Variants in PRR14L observed in about 807,000 individuals in gnomAD.
PRR14L encodes the protein protein PRR14L.
Under a neutral mutation model 155.0 loss-of-function variants are expected in PRR14L, and 80 were observed. That is an observed-to-expected ratio of 0.52 (90% CI 0.43 to 0.62). The LOEUF (loss-of-function observed/expected upper bound fraction) is 0.62. PRR14L is among the 20% of genes least tolerant of loss of function. PRR14L has a pLI of 0.00. For missense variants in PRR14L, 2,469 were observed against 2,548.0 expected, an observed-to-expected ratio of 0.97 and a Z score of 0.67; for synonymous variants, 883 against 916.0, an observed-to-expected ratio of 0.96 and a Z score of 0.65.
intron 3 of PRR14L, among the ~76,000 whole-genome samples, chr22:31,717,926 ATTTT>A (rs531724278): frequency 7.4e-6 from 1 of 134,516 alleles, no homozygotes. Context: ...CCCCCAGCTA[ATTTT>A]TTTTTTTTTT....
chr22:31,685,418 G>A lies in PRR14L; in HGVS notation c.*109C>T. On this transcript the variant is annotated 3_prime_UTR_variant, in exon 9 of 9. Transcript: ENST00000327423. Reference sequence around the variant, plus strand: ...GCATTTTTGAGTGGTTTGGCGGTAGGGCAAAATTAGGCAACCTTTTCCAAG... The same window carrying A: ...GCATTTTTGAGTGGTTTGGCGGTAGAGCAAAATTAGGCAACCTTTTCCAAG... 1.0e-6 allele frequency: 1 copy of A among 955,512 alleles called. No individual in the cohort carries two copies. The highest frequency in any genetic ancestry group is 1.5e-6 in the Non-Finnish European group (1 of 660,506). The allele number at this position is 955,512 out of a possible 1,614,324, so 59.2% of individuals were successfully genotyped here.
intron 5 of PRR14L, 192 bp downstream of exon 5, chr22:31,704,463 C>T (rs926711070): frequency 2.3e-6 from 1 of 426,166 alleles, no homozygotes; most frequent in Non-Finnish European, 4.2e-6. Flanking sequence ...TATTATTACA[C>T]ATTCCTAGTT....
rs1601507389 is a variant in PRR14L, at chr22:31,718,960, G to C, written c.548-1669C>G. Among the ~76,000 whole-genome samples the C allele has an allele frequency of 2.6e-5, 4 of 152,238 alleles. No homozygotes were observed. In the South Asian group the frequency reaches 8.3e-4, roughly 32 times the overall value. ...ATGGTGGCACATGCCTGTAATCCCA[G>C]CTACTGGGGAGGCTGAAGCAGGGGA... On this transcript the variant is annotated intron_variant, in intron 3 of 8. Transcript: ENST00000327423.
At chr22:31,689,372 C>G (rs1229629718) in intron 7 of PRR14L, among the ~76,000 whole-genome samples, 3 of 151,614 alleles carry the variant, frequency 2.0e-5, no homozygotes, top group African/African-American at 7.3e-5. Flanking sequence ...TGACATGACC[C>G]TAGGAGTCTC....
intron 2 of PRR14L, among the ~76,000 whole-genome samples, chr22:31,733,465 C>T (rs2074761884): frequency 6.6e-6 from 1 of 151,180 alleles, no homozygotes; most frequent in Non-Finnish European, 1.5e-5. Context: ...TCACTGCGCC[C>T]AGCTGATTTC....
intron 2 of PRR14L, among the ~76,000 whole-genome samples, chr22:31,735,025 C>CT (rs1322597091): frequency 6.6e-6 from 1 of 152,156 alleles, no homozygotes; most frequent in Non-Finnish European, 1.5e-5. Context: ...GTGGAGATCA[C>CT]TTTTTGAAAC....
intron 2 of PRR14L, among the ~76,000 whole-genome samples, chr22:31,731,380 CGGTG>C (rs1221972671): frequency 6.6e-6 from 1 of 151,680 alleles, no homozygotes; most frequent in Non-Finnish European, 1.5e-5. Context: ...CTGGCTAACA[CGGTG>C]AAACCCCGTC....
At chr22:31,718,580 A>C (rs1376054965) in intron 3 of PRR14L, among the ~76,000 whole-genome samples, 2 of 151,116 alleles carry the variant, frequency 1.3e-5, no homozygotes, top group African/African-American at 2.4e-5. Context: ...TTGTATTTTT[A>C]CTAGAGACGG....
chr22:31,717,914 CA>C, intron 3 of PRR14L, among the ~76,000 whole-genome samples: 1 of 151,942 alleles, frequency 6.6e-6, no homozygotes, highest in Non-Finnish European at 1.5e-5. Flanking sequence ...TGCCTGCAAC[CA>C]CCCCCAGCTA....
chr22:31,708,850 G>A (rs980310381), intron 4 of PRR14L, among the ~76,000 whole-genome samples: 4 of 151,794 alleles, frequency 2.6e-5, no homozygotes, highest in Admixed American at 2.0e-4. Context: ...TTTTGAGACG[G>A]AGTTTCACTC....
rs1177356912 is a variant in PRR14L, at chr22:31,716,991, A to G, written c.848T>C (p.Leu283Ser). 1 of 1,551,646 alleles carries G rather than the reference A, an allele frequency of 6.4e-7. No homozygotes were observed. The highest frequency in any genetic ancestry group is 8.7e-7 in the Non-Finnish European group (1 of 1,146,824). The change falls in exon 4 of 9, where the codon TTA becomes TCA. Residue 283 changes from leucine to serine, a missense_variant. Transcript: ENST00000327423. Reference protein sequence around the residue: ...EELKSCPWLSLPGNSAISNVD... With the variant: ...EELKSCPWLSSPGNSAISNVD... The stretch of plus-strand genomic sequence containing the variant: ...ATTAGAAATGGCACTGTTTCCTGGT[A>G]ATGACAACCAAGGACAACTTTTTAA...
intron 8 of PRR14L, among the ~76,000 whole-genome samples, chr22:31,686,371 G>A (rs2074482918): frequency 6.6e-6 from 1 of 150,622 alleles, no homozygotes. Flanking sequence ...GCTTCCCAGT[G>A]CTGGGATTAC....
intron 7 of PRR14L, among the ~76,000 whole-genome samples, chr22:31,693,141 G>T (rs373279114): frequency 0.013 from 2,000 of 152,144 alleles, 13 homozygotes; most frequent in Middle Eastern, 0.031. Flanking sequence ...CACCCTTGTT[G>T]TTGTCTTCTA....
chr22:31,700,640 T>A (rs566532122), intron 7 of PRR14L, among the ~76,000 whole-genome samples: 2 of 152,256 alleles, frequency 1.3e-5, no homozygotes, highest in Admixed American at 1.3e-4. Flanking sequence ...CACCGCAACC[T>A]CCGCCTCCTG....
intron 2 of PRR14L, among the ~76,000 whole-genome samples, chr22:31,729,949 G>A (rs539417898): frequency 1.3e-5 from 2 of 151,862 alleles, no homozygotes; most frequent in African/African-American, 2.4e-5. Flanking sequence ...CGAGGTGGGC[G>A]GATCACCTGA....
At chr22:31,733,782 C>A (rs1427220901) in intron 2 of PRR14L, among the ~76,000 whole-genome samples, 1 of 152,028 alleles carries the variant, frequency 6.6e-6, no homozygotes, top group African/African-American at 2.4e-5. Flanking sequence ...TTTTCATTTT[C>A]ACCCATCTGA....
chr22:31,705,348 C>T (rs757037506), intron 4 of PRR14L, among the ~76,000 whole-genome samples: 29 of 152,070 alleles, frequency 1.9e-4, no homozygotes, highest in Non-Finnish European at 3.7e-4. Context: ...GTTTCTATAA[C>T]CTTATAAAAT....
intron 1 of PRR14L, 48 bp from the exon 2 acceptor site, chr22:31,738,959 TAGA>T: frequency 1.2e-6 from 1 of 817,630 alleles, no homozygotes; most frequent in East Asian, 2.7e-5. Flanking sequence ...CTTGATAGGT[TAGA>T]AGAAGGCTGC....
intron 7 of PRR14L, among the ~76,000 whole-genome samples, chr22:31,700,406 G>GA (rs560517258): frequency 8.9e-4 from 136 of 152,154 alleles, no homozygotes; most frequent in Middle Eastern, 3.4e-3. Flanking sequence ...ATCAACAAAA[G>GA]AAACATAAGA....
Sources: allele counts gnomAD v4.1 joint callset (sites outside exome capture counted in the v4.1 genomes callset), GRCh38; gene constraint gnomAD v4.1.1; transcripts MANE v1.5; gene names NCBI Gene and HGNC (gene_info 2026-07-23, HGNC 2026-07-21).